CENATAC: variants seen among roughly 807,000 people sequenced by gnomAD.
CENATAC encodes centrosomal AT-AC splicing factor, also known as coiled-coil domain containing 84.
Under a neutral mutation model 53.7 loss-of-function variants are expected in CENATAC, and 53 were observed. That is an observed-to-expected ratio of 0.99 (90% CI 0.79 to 1.24). CENATAC has a LOEUF of 1.24. Among genes scored for constraint, CENATAC ranks in the 50% most tolerant of loss-of-function variants. The probability of loss-of-function intolerance (pLI) is 0.00; values close to 1 mark genes in which losing one functional copy is unlikely to be tolerated. For synonymous variants in CENATAC, 156 were observed against 144.6 expected, an observed-to-expected ratio of 1.08 and a Z score of -0.57; for missense variants, 474 against 417.8, an observed-to-expected ratio of 1.13 and a Z score of -1.17.
chr11:119,014,831 C>A (rs1434339644), intron 8 of CENATAC, 163 bp from the exon 9 acceptor site: 1 of 512,714 alleles, frequency 2.0e-6, no homozygotes, highest in Non-Finnish European at 3.4e-6. Flanking sequence ...TGGGGTATGT[C>A]GCTTTAAATT....
In CENATAC at chr11:119,012,067, C is replaced by G. The variant is rs11827188; in HGVS notation, c.578+64C>G. On this transcript the variant is annotated intron_variant, in intron 6 of 10. Transcript: ENST00000334418. The stretch of plus-strand genomic sequence containing the variant: ...TCTTAGAACATTCTGCAACCTTTTG[C>G]CTGGGAAATGGAAACAGATCTAATC... 5.4e-3 allele frequency: 8,647 copies of G among 1,613,618 alleles called. 395 individuals carry two copies. The African/African-American group carries it at 0.1, about 19-fold the overall frequency.
intron 3 of CENATAC, 183 bp downstream of exon 3, chr11:118,999,292 G>C (rs1022662823): frequency 3.6e-6 from 2 of 551,504 alleles, no homozygotes; most frequent in Non-Finnish European, 3.3e-6. Context: ...TTGAGGTTTA[G>C]TTGGGGGATA....
At chr11:119,003,773 C>T (rs564873199) in intron 3 of CENATAC, 73 of 159,926 alleles carry the variant, frequency 4.6e-4, no homozygotes, top group African/African-American at 1.6e-3. Context: ...TGCATGCCAC[C>T]ACACCTGGCT....
At chr11:119,013,005 T>TA in intron 7 of CENATAC, 1 of 457,424 alleles carries the variant, frequency 2.2e-6, no homozygotes, top group South Asian at 4.5e-5. Flanking sequence ...CCACTCTACT[T>TA]ACAGACATCT....
intron 3 of CENATAC, among the ~76,000 whole-genome samples, chr11:119,007,788 A>G (rs1326445986): frequency 2.0e-5 from 3 of 152,186 alleles, no homozygotes; most frequent in Admixed American, 6.5e-5. Flanking sequence ...TGCCCAGCCT[A>G]ATTTTTACTT....
chr11:119,000,500 TA>T (rs36118122), intron 3 of CENATAC, among the ~76,000 whole-genome samples: 2 of 151,170 alleles, frequency 1.3e-5, no homozygotes, highest in South Asian at 2.1e-4. Flanking sequence ...TCTTTGCCTT[TA>T]AAAAAAAATT....
intron 3 of CENATAC, among the ~76,000 whole-genome samples, chr11:119,008,806 C>T (rs892846835): frequency 1.9e-4 from 29 of 152,172 alleles, no homozygotes; most frequent in African/African-American, 6.3e-4. Context: ...TGCGGCTTTC[C>T]ACAGTGCATT....
intron 8 of CENATAC, chr11:119,014,732 T>G: frequency 3.4e-6 from 1 of 293,524 alleles, no homozygotes. Flanking sequence ...GTCTAGATTG[T>G]AATGGCTTCG....
Position 119,015,666 on chromosome 11 carries a change from A to G in CENATAC, c.*68A>G, listed in dbSNP as rs533907143. On this transcript the variant is annotated 3_prime_UTR_variant, in exon 11 of 11. Coordinates refer to ENST00000334418, the MANE Select transcript of CENATAC (RefSeq NM_198489.3). ...ACAAACCCCTATTATACCTTCCACCAAATTCTTTATCATTGTCTTTCTTAG... is the reference window on the plus strand; with the variant it reads ...ACAAACCCCTATTATACCTTCCACCGAATTCTTTATCATTGTCTTTCTTAG... 6.7e-7 allele frequency: 1 copy of G among 1,487,622 alleles called. No homozygotes were observed. The highest frequency in any genetic ancestry group is 1.4e-5 in the African/African-American group (1 of 71,934). The allele number at this position is 1,487,622 out of a possible 1,614,324, so 92.2% of individuals were successfully genotyped here.
intron 8 of CENATAC, 106 bp from the exon 9 acceptor site, chr11:119,014,886 TAG>T (rs1299170743): frequency 1.4e-6 from 1 of 715,702 alleles, no homozygotes; most frequent in Non-Finnish European, 2.3e-6. Context: ...GCTTTGCTTT[TAG>T]ACATTTCTAG....
intron 3 of CENATAC, among the ~76,000 whole-genome samples, chr11:119,009,074 T>C (rs1435238957): frequency 6.6e-6 from 1 of 152,210 alleles, no homozygotes; most frequent in Non-Finnish European, 1.5e-5. Context: ...GAGTCTCTTA[T>C]GTCTTTCCTT....
At chr11:119,008,160 A>T (rs1240260531) in intron 3 of CENATAC, among the ~76,000 whole-genome samples, 2 of 152,074 alleles carry the variant, frequency 1.3e-5, no homozygotes, top group Non-Finnish European at 2.9e-5. Context: ...GGGATGAGAG[A>T]CGGAGAAAAG....
chr11:119,010,920 A>C, intron 4 of CENATAC, 90 bp downstream of exon 4: 1 of 1,150,504 alleles, frequency 8.7e-7, no homozygotes. Context: ...CAGGCAGGGG[A>C]TGGTTTCAGA....
chr11:119,015,076 T>G lies in CENATAC; in HGVS notation c.798T>G (p.Leu266=), dbSNP rs1480979375. 34 of 1,605,424 alleles carry G rather than the reference T, an allele frequency of 2.1e-5. No individual in the cohort carries two copies. The highest frequency in any genetic ancestry group is 2.9e-5 in the Non-Finnish European group (34 of 1,174,656). The change falls in exon 9 of 11, where the codon CTT becomes CTG. Residue 266 remains leucine, a synonymous_variant. Coordinates refer to ENST00000334418, the MANE Select transcript of CENATAC (RefSeq NM_198489.3). ...TAGGACCATCCTATGAAGAATTTCT[T>G]AAAGAAAGTAAGTAAACTAATTCAA... ...QEIGPSYEEF[L]KEKEKQKLKK...
Position 118,999,059 on chromosome 11 carries a change from T to G in CENATAC, c.333T>G (p.Ala111=). 1 of 1,614,164 alleles carries G rather than the reference T, an allele frequency of 6.2e-7. No individual in the cohort carries two copies. The highest frequency in any genetic ancestry group is 2.2e-5 in the East Asian group (1 of 44,884). The change falls in exon 3 of 11, where the codon GCT becomes GCG. Residue 111 remains alanine (A), a synonymous_variant. Coordinates refer to ENST00000334418, the MANE Select transcript of CENATAC (RefSeq NM_198489.3). ...ATNKFWWENK[A]EVQMKEKFLV... ...ACAAATTCTGGTGGGAGAACAAAGC[T>G]GAGGTCCAGATGAAAGAGAAGTTTC...
At chr11:119,005,051 T>G (rs4936458) in intron 3 of CENATAC, among the ~76,000 whole-genome samples, 45,503 of 150,660 alleles carry the variant, frequency 0.3, 7,602 homozygotes, top group African/African-American at 0.44. Context: ...CAGAGCAAAA[T>G]ACCCTGTCTC....
At chr11:119,011,382 T>C in intron 5 of CENATAC, 99 bp downstream of exon 5, 1 of 1,117,090 alleles carries the variant, frequency 9.0e-7, no homozygotes, top group Non-Finnish European at 1.3e-6. Context: ...TTCTTCTTCT[T>C]TTTTTTTTGG....
rs782668438 is a variant in CENATAC, at chr11:119,013,270, C to A, written c.715+8C>A. 8.1e-6 allele frequency: 13 copies of A among 1,598,686 alleles called. No individual in the cohort carries two copies. In the African/African-American group the frequency reaches 1.8e-4, roughly 22 times the overall value. On this transcript the variant is annotated splice_region_variant and intron_variant, in intron 8 of 10. Coordinates refer to ENST00000334418, the MANE Select transcript of CENATAC (RefSeq NM_198489.3). ...TTGGTAACATCCACTCAGGTAAGGT[C>A]CAGGGCAGTGTTTTTAAAACCCTGG... is the stretch of plus-strand genomic sequence containing the variant.
At position 119,012,281 on chromosome 11, in the gene CENATAC, G is replaced by T. The variant is rs782785870; in HGVS notation, c.684+27G>T. On this transcript the variant is annotated intron_variant, in intron 7 of 10. Coordinates refer to ENST00000334418, the MANE Select transcript of CENATAC (RefSeq NM_198489.3). ...TACAAAGGATAAGCAAGCCAGAAGA[G>T]GGCCAATGGTCCCTCAGGTCTCAGG... is the stretch of plus-strand genomic sequence containing the variant. 6 of 1,611,526 alleles carry T rather than the reference G, an allele frequency of 3.7e-6. No individual in the cohort carries two copies. The South Asian group carries it at 6.6e-5, about 18-fold the overall frequency.
Sources: allele counts gnomAD v4.1 joint callset (sites outside exome capture counted in the v4.1 genomes callset), GRCh38; gene constraint gnomAD v4.1.1; transcripts MANE v1.5; gene names NCBI Gene and HGNC (gene_info 2026-07-23, HGNC 2026-07-21).